Variants in KCNAB1 observed in about 807,000 individuals in gnomAD.
KCNAB1 encodes the protein voltage-gated potassium channel subunit beta-1.
A neutral mutation model predicts 64.6 loss-of-function variants in KCNAB1; 35 were observed. The observed-to-expected ratio is 0.54, with a 90% CI of 0.41 to 0.72. The LOEUF (loss-of-function observed/expected upper bound fraction) is 0.72, where lower values mean the gene tolerates loss of function less well. KCNAB1 is among the 30% of genes least tolerant of loss of function. The probability of loss-of-function intolerance (pLI) is 0.00; values close to 1 mark genes in which losing one functional copy is unlikely to be tolerated. For missense variants in KCNAB1, 401 were observed against 512.9 expected (o/e 0.78, Z 2.11); for synonymous variants, 177 against 183.8 (o/e 0.96, Z 0.30).
At chr3:156,319,488 G>A (rs115069989) in intron 1 of KCNAB1, among the ~76,000 whole-genome samples, 2,776 of 152,090 alleles carry the variant, frequency 0.018, 92 homozygotes, top group African/African-American at 0.064. Context: ...TTTATTTTTG[G>A]GCCTTGTAAG....
At chr3:156,441,614 T>G (rs932904178) in intron 2 of KCNAB1, among the ~76,000 whole-genome samples, 3 of 152,158 alleles carry the variant, frequency 2.0e-5, no homozygotes, top group Non-Finnish European at 2.9e-5. Context: ...AAATTGCCAT[T>G]TAGTCCTAGT....
chr3:156,183,321 C>T (rs576994477), intron 1 of KCNAB1, among the ~76,000 whole-genome samples: 7 of 152,054 alleles, frequency 4.6e-5, no homozygotes, highest in East Asian at 1.9e-4. Context: ...AACAGGGTTC[C>T]GAAGAATAAA....
chr3:156,437,817 G>C lies in KCNAB1; in HGVS notation c.320-15082G>C, dbSNP rs1225297679. On this transcript the variant is annotated intron_variant, in intron 2 of 13. Coordinates refer to ENST00000490337, the MANE Select transcript of KCNAB1 (RefSeq NM_172160.3). ...TGCAAGGTATTACAATCTCCATTTT[G>C]GGGTCAAGGCCACCTTCAACCTTCC... Among the ~76,000 whole-genome samples the C allele has an allele frequency of 1.2e-4, 19 of 152,212 alleles. No homozygotes were observed. The South Asian group carries it at 4.0e-3, about 32-fold the overall frequency.
chr3:156,427,120 G>A (rs996604759), intron 2 of KCNAB1, among the ~76,000 whole-genome samples: 1 of 152,182 alleles, frequency 6.6e-6, no homozygotes, highest in African/African-American at 2.4e-5. Flanking sequence ...GTCTTCCTGA[G>A]TGCAGGAAGA....
chr3:156,348,959 T>C (rs955921669), intron 1 of KCNAB1, among the ~76,000 whole-genome samples: 1 of 152,194 alleles, frequency 6.6e-6, no homozygotes, highest in Non-Finnish European at 1.5e-5. Context: ...GAACACAGAA[T>C]GGCTTTTATT....
At chr3:156,446,354 C>T (rs908560578) in intron 2 of KCNAB1, among the ~76,000 whole-genome samples, 1 of 152,176 alleles carries the variant, frequency 6.6e-6, no homozygotes, top group Non-Finnish European at 1.5e-5. Flanking sequence ...GGGGGTTATA[C>T]TATACAACTG....
intron 5 of KCNAB1, 47 bp downstream of exon 5, chr3:156,459,918 G>T: frequency 7.2e-7 from 1 of 1,391,760 alleles, no homozygotes; most frequent in Non-Finnish European, 1.0e-6. Flanking sequence ...GTATTATTTT[G>T]CACCAGAGAA....
chr3:156,309,884 T>C (rs1163818582), intron 1 of KCNAB1, among the ~76,000 whole-genome samples: 1 of 152,220 alleles, frequency 6.6e-6, no homozygotes, highest in Non-Finnish European at 1.5e-5. Context: ...ATTGTAGGCC[T>C]TCACAATTCT....
intron 1 of KCNAB1, among the ~76,000 whole-genome samples, chr3:156,353,965 AAT>A (rs1725027943): frequency 6.6e-6 from 1 of 151,746 alleles, no homozygotes; most frequent in Admixed American, 6.6e-5. Flanking sequence ...GTGATTAATG[AAT>A]ATCAGGACAT....
At chr3:156,467,177 A>G (rs1014626412) in intron 7 of KCNAB1, among the ~76,000 whole-genome samples, 2 of 152,170 alleles carry the variant, frequency 1.3e-5, no homozygotes, top group African/African-American at 4.8e-5. Context: ...ATGCATTAAT[A>G]ATTTATTGAA....
intron 1 of KCNAB1, among the ~76,000 whole-genome samples, chr3:156,270,454 T>C (rs1310202183): frequency 6.6e-6 from 1 of 152,176 alleles, no homozygotes; most frequent in African/African-American, 2.4e-5. Flanking sequence ...GTGTATCTGT[T>C]GTATGTTTTT....
chr3:156,226,924 A>G (rs1045461026), intron 1 of KCNAB1, among the ~76,000 whole-genome samples: 1 of 152,240 alleles, frequency 6.6e-6, no homozygotes, highest in Admixed American at 6.5e-5. Context: ...AAATCAAACC[A>G]TGGTGGACTA....
chr3:156,168,373 A>G (rs1412590393), intron 1 of KCNAB1, among the ~76,000 whole-genome samples: 1 of 152,222 alleles, frequency 6.6e-6, no homozygotes, highest in African/African-American at 2.4e-5. Flanking sequence ...TCATTTAAAG[A>G]GACAACAATA....
intron 8 of KCNAB1, among the ~76,000 whole-genome samples, chr3:156,482,710 C>T (rs910657285): frequency 4.6e-5 from 7 of 151,990 alleles, no homozygotes; most frequent in Admixed American, 3.3e-4. Flanking sequence ...ATCTGTAGAA[C>T]GTAGGTAATA....
chr3:156,139,600 T>TG (rs1457728512), intron 1 of KCNAB1, among the ~76,000 whole-genome samples: 3 of 148,498 alleles, frequency 2.0e-5, no homozygotes, highest in African/African-American at 7.4e-5. Context: ...TTTTTTTTTT[T>TG]TTTTTTTTTT....
chr3:156,342,595 T>TTTTTTTTTTTC (rs1724205190), intron 1 of KCNAB1, among the ~76,000 whole-genome samples: 1 of 134,314 alleles, frequency 7.4e-6, no homozygotes, highest in African/African-American at 3.2e-5. Flanking sequence ...CTTTTTTTTT[T>TTTTTTTTTTTC]TTTTTTTTTT....
At chr3:156,341,924 CA>C (rs1246467613) in intron 1 of KCNAB1, among the ~76,000 whole-genome samples, 1 of 152,112 alleles carries the variant, frequency 6.6e-6, no homozygotes, top group Non-Finnish European at 1.5e-5. Flanking sequence ...GATTTCATGA[CA>C]AACTAATGGG....
At chr3:156,181,280 G>T (rs1474240956) in intron 1 of KCNAB1, among the ~76,000 whole-genome samples, 2 of 152,186 alleles carry the variant, frequency 1.3e-5, no homozygotes, top group Admixed American at 6.5e-5. Context: ...GGGAAGTCTA[G>T]CAGACGAAAC....
chr3:156,284,630 A>G (rs4392375), intron 1 of KCNAB1, among the ~76,000 whole-genome samples: 112,208 of 152,058 alleles, frequency 0.74, 41,745 homozygotes, highest in East Asian at 0.98. Flanking sequence ...CTCCGTGGGC[A>G]TAGGACCCTC....
Sources: gnomAD v4.1 joint callset for allele counts (sites outside exome capture counted in the v4.1 genomes callset) on GRCh38, gnomAD v4.1.1 for gene constraint, MANE v1.5 for transcripts, NCBI Gene and HGNC (gene_info 2026-07-23, HGNC 2026-07-21) for gene names.